FBXW4: variants seen among roughly 807,000 people sequenced by gnomAD.
The protein encoded by FBXW4 is F-box and WD repeat domain containing 4.
Under a neutral mutation model 61.8 loss-of-function variants are expected in FBXW4, and 40 were observed. That is an observed-to-expected ratio of 0.65 (90% CI 0.50 to 0.84). The LOEUF (loss-of-function observed/expected upper bound fraction) is 0.84, where lower values mean the gene tolerates loss of function less well. FBXW4 is among the 40% of genes least tolerant of loss of function. The pLI is 0.00. For synonymous variants in FBXW4, 311 were observed against 313.8 expected, an observed-to-expected ratio of 0.99 and a Z score of 0.10; for missense variants, 672 against 753.8, an observed-to-expected ratio of 0.89 and a Z score of 1.27.
intron 1 of FBXW4, among the ~76,000 whole-genome samples, chr10:101,691,959 T>C (rs1350801477): frequency 1.3e-5 from 2 of 152,078 alleles, no homozygotes; most frequent in African/African-American, 4.8e-5. Flanking sequence ...GAAAACATAC[T>C]GAAGAGAGTG....
chr10:101,691,135 T>C (rs1009723157), intron 1 of FBXW4, among the ~76,000 whole-genome samples: 1 of 152,064 alleles, frequency 6.6e-6, no homozygotes, highest in Non-Finnish European at 1.5e-5. Flanking sequence ...ATCTCACTTA[T>C]CTAGTCTGCA....
chr10:101,621,393 TG>T lies in FBXW4; in HGVS notation c.1301+3351del, dbSNP rs1364598106. Among the ~76,000 whole-genome samples, 3 of 152,248 alleles carry T rather than the reference TG, an allele frequency of 2.0e-5. No homozygotes were observed. In the East Asian group the frequency reaches 5.8e-4, roughly 29 times the overall value. ...AAATTTAAAAGTTAGCCAAGCATGG[TG>T]GGGCATGTCTATAGTCCTAACTACT... is the stretch of plus-strand genomic sequence containing the variant. On this transcript the variant is annotated intron_variant, in intron 6 of 8. Transcript: ENST00000331272.
At chr10:101,635,743 G>A (rs146017244) in intron 5 of FBXW4, among the ~76,000 whole-genome samples, 19 of 152,040 alleles carry the variant, frequency 1.2e-4, no homozygotes, top group Admixed American at 3.3e-4. Context: ...GGGTGAGGTG[G>A]GAGGATCTGA....
intron 6 of FBXW4, among the ~76,000 whole-genome samples, chr10:101,617,007 G>A (rs1223659748): frequency 6.6e-6 from 1 of 152,184 alleles, no homozygotes; most frequent in Non-Finnish European, 1.5e-5. Context: ...GTAAGCTGAA[G>A]GGCCTGTTGT....
Position 101,672,909 on chromosome 10 carries a change from C to T in FBXW4, c.1140+6G>A, listed in dbSNP as rs2064371571. On this transcript the variant is annotated splice_donor_region_variant and intron_variant, in intron 4 of 8. Coordinates refer to ENST00000331272, the MANE Select transcript of FBXW4 (RefSeq NM_022039.4). ...GTAATAGTATGTAAGGGGGAGACCACCTCACCTTGGCCGTCCTGTCCCTGG... is the reference window on the plus strand; with the variant it reads ...GTAATAGTATGTAAGGGGGAGACCATCTCACCTTGGCCGTCCTGTCCCTGG... 3.1e-6 allele frequency: 5 copies of T among 1,614,032 alleles called. No homozygotes were observed. The highest frequency in any genetic ancestry group is 2.2e-5 in the East Asian group (1 of 44,880).
Position 101,611,863 on chromosome 10 carries a change from AG to A in FBXW4, c.1443-95del. 3 of 1,415,338 alleles carry A rather than the reference AG, an allele frequency of 2.1e-6. No homozygotes were observed. Among genetic ancestry groups the A allele is most frequent in the Non-Finnish European group, 2.8e-6 (3 of 1,056,546 alleles). The allele number at this position is 1,415,338 out of a possible 1,614,324, so 87.7% of individuals were successfully genotyped here. A position where few individuals can be genotyped will look rare whatever the true frequency, so the allele number is the denominator to read the frequency against. ...CCTAGAGTGGCTGAGGGGAGCGTTA[AG>A]GAGCCATTCCGGGATGGAAGAGAAA... On this transcript the variant is annotated intron_variant, in intron 7 of 8. Coordinates refer to ENST00000331272, the MANE Select transcript of FBXW4 (RefSeq NM_022039.4). The surrounding 1 kb of genome is among the most constrained non-coding windows in gnomAD (Gnocchi z 4.9).
intron 5 of FBXW4, among the ~76,000 whole-genome samples, chr10:101,648,665 TC>T (rs1207947237): frequency 6.6e-6 from 1 of 152,194 alleles, no homozygotes; most frequent in African/African-American, 2.4e-5. Context: ...CCCCAGCCTT[TC>T]CCCGGCCCAT....
rs999986976 is a variant in FBXW4 at position 101,634,948 on chromosome 10, G to A, written c.1236-10138C>T. ...GACATCAAAAACAACAAGCTGAAAG[G>A]AATTACCATATACAGCAGGGGTCTC... On this transcript the variant is annotated intron_variant, in intron 5 of 8. Transcript: ENST00000331272. Among the ~76,000 whole-genome samples the A allele has an allele frequency of 2.8e-4, 41 of 149,020 alleles. 5 individuals carry two copies. The highest frequency in any genetic ancestry group is 9.6e-4 in the African/African-American group (38 of 39,740).
intron 2 of FBXW4, among the ~76,000 whole-genome samples, chr10:101,674,326 C>A (rs201339862): frequency 5.6e-4 from 78 of 140,034 alleles, no homozygotes; most frequent in East Asian, 6.2e-4. Context: ...GAGACTGTCT[C>A]AAAAAAAAAA....
intron 6 of FBXW4, among the ~76,000 whole-genome samples, chr10:101,621,421 G>C (rs2063866041): frequency 6.6e-6 from 1 of 152,162 alleles, no homozygotes; most frequent in Non-Finnish European, 1.5e-5. Context: ...CTAACTACTT[G>C]GGAGGCTGAG....
chr10:101,673,432 A>G (rs1252324356), intron 3 of FBXW4, 56 bp downstream of exon 3: 1 of 1,588,052 alleles, frequency 6.3e-7, no homozygotes, highest in Non-Finnish European at 8.6e-7. Flanking sequence ...AGGCAGGCAG[A>G]ATGTCCCCGA....
At chr10:101,622,550 A>C (rs1270469908) in intron 6 of FBXW4, among the ~76,000 whole-genome samples, 1 of 152,028 alleles carries the variant, frequency 6.6e-6, no homozygotes, top group Non-Finnish European at 1.5e-5. Flanking sequence ...ACACAGTGAA[A>C]TCCTGTCTCT....
chr10:101,665,081 G>A (rs1338671068), intron 5 of FBXW4, among the ~76,000 whole-genome samples: 1 of 152,126 alleles, frequency 6.6e-6, no homozygotes, highest in African/African-American at 2.4e-5. Context: ...TGTCTCTCAA[G>A]ACTGAGAAAA....
At chr10:101,645,188 G>A (rs1416084037) in intron 5 of FBXW4, among the ~76,000 whole-genome samples, 1 of 152,144 alleles carries the variant, frequency 6.6e-6, no homozygotes, top group Non-Finnish European at 1.5e-5. Context: ...GAAAAGGGTG[G>A]CTAGTCTCAA....
chr10:101,625,930 G>A (rs185899498), intron 5 of FBXW4: 1 of 152,408 alleles, frequency 6.6e-6, no homozygotes, highest in Admixed American at 6.5e-5. Context: ...TGTCAGTGAG[G>A]AGATGGATTT....
chr10:101,686,411 A>G (rs2064534172), intron 1 of FBXW4, among the ~76,000 whole-genome samples: 1 of 152,134 alleles, frequency 6.6e-6, no homozygotes, highest in Admixed American at 6.5e-5. Flanking sequence ...GTTTTTCAAG[A>G]ATCCCACAAT....
chr10:101,612,238 G>T, intron 7 of FBXW4, 99 bp downstream of exon 7: 1 of 1,293,614 alleles, frequency 7.7e-7, no homozygotes, highest in Non-Finnish European at 1.0e-6. Context: ...CTGACATGGA[G>T]TCTCTGTGCC....
At chr10:101,676,738 G>GAAAAAAAAAAAAA (rs2064413552) in intron 1 of FBXW4, 6 of 81,128 alleles carry the variant, frequency 7.4e-5, no homozygotes, top group African/African-American at 6.5e-5. Flanking sequence ...AAAAAAAAAT[G>GAAAAAAAAAAAAA]AAATGAATCC....
intron 5 of FBXW4, chr10:101,659,329 G>A (rs1195797150): frequency 1.1e-6 from 1 of 939,298 alleles, no homozygotes; most frequent in African/African-American, 1.8e-5. Flanking sequence ...GATAAGTCAT[G>A]GATGGTTTGA....
Sources: allele counts gnomAD v4.1 joint callset (sites outside exome capture counted in the v4.1 genomes callset), GRCh38; gene constraint gnomAD v4.1.1; non-coding constraint Gnocchi (gnomAD v3.1); transcripts MANE v1.5; gene names NCBI Gene and HGNC (gene_info 2026-07-23, HGNC 2026-07-21).